Variants in SMPD1 observed in about 807,000 individuals in gnomAD.
SMPD1 encodes the protein sphingomyelin phosphodiesterase 1, also known as sphingomyelin phosphodiesterase.
SMPD1 carries 47 observed loss-of-function variants against 49.7 expected under a neutral mutation model. The ratio of observed to expected loss-of-function variants is 0.95; its 90% confidence interval spans 0.75 to 1.21. The LOEUF (loss-of-function observed/expected upper bound fraction) is 1.21. SMPD1 is among the 50% of genes most tolerant of loss of function. The pLI is 0.00. For synonymous variants in SMPD1, 336 were observed against 339.6 expected, an observed-to-expected ratio of 0.99 and a Z score of 0.12; for missense variants, 811 against 822.2, an observed-to-expected ratio of 0.99 and a Z score of 0.17.
Position 6,390,704 on chromosome 11 carries a change from GT to G in SMPD1, c.107del (p.Val36GlyfsTer41). ...GAPGLLWMGLVLALALALALA... is the reference protein window; with the variant it reads ...GAPGLLWMGLXLALALALALA... ...CCCCGGACTCCTTTGGATGGGCCTG[GT>G]GCTGGCGCTGGCGCTGGCGCTGGCG... On this transcript the variant is annotated frameshift_variant, in exon 1 of 6. Transcript: ENST00000342245. LOFTEE classifies it high-confidence loss of function. 7.9e-7 allele frequency: 1 copy of G among 1,267,608 alleles called. No individual in the cohort carries two copies. Among genetic ancestry groups the G allele is most frequent in the Non-Finnish European group, 1.1e-6 (1 of 932,528 alleles). 78.5% of individuals were successfully genotyped at this position (1,267,608 alleles called of 1,614,324 possible). A position where few individuals can be genotyped will look rare whatever the true frequency, so the allele number is the denominator to read the frequency against.
chr11:6,394,099 G>A (rs2134022201), intron 5 of SMPD1, 58 bp downstream of exon 5: 1 of 1,613,788 alleles, frequency 6.2e-7, no homozygotes, highest in Non-Finnish European at 8.5e-7. Context: ...AGGGGAAGGA[G>A]GTTGGAGCCA....
chr11:6,391,542 T>A lies in SMPD1; in HGVS notation c.477T>A (p.Cys159Ter). 6.2e-7 allele frequency: 1 copy of A among 1,613,994 alleles called. No individual in the cohort carries two copies. The highest frequency in any genetic ancestry group is 8.5e-7 in the Non-Finnish European group (1 of 1,179,978). Residue 159 changes from cysteine to a stop codon, truncating the protein, a stop_gained, in exon 2 of 6, where the codon TGT (cysteine) becomes TGA (stop). Coordinates refer to ENST00000342245, the MANE Select transcript of SMPD1 (RefSeq NM_000543.5). LOFTEE classifies it high-confidence loss of function. ...RRSVLSPSEA[C>*]GLLLGSTCGH... ...CAGTGCTGAGCCCATCTGAGGCCTGTGGCCTGCTCCTGGGCTCCACCTGTG... is the reference window on the plus strand; with the variant it reads ...CAGTGCTGAGCCCATCTGAGGCCTGAGGCCTGCTCCTGGGCTCCACCTGTG...
At position 6,394,598 on chromosome 11, in the gene SMPD1, G is replaced by C. The variant is rs1473293317; in HGVS notation, c.1887G>C (p.Leu629=). 2.5e-6 allele frequency: 4 copies of C among 1,601,932 alleles called. No homozygotes were observed. The African/African-American group carries it at 5.3e-5, about 21-fold the overall frequency. Residue 629 remains leucine, a synonymous_variant, in exon 6 of 6, where the codon CTG becomes CTC. Coordinates refer to ENST00000342245, the MANE Select transcript of SMPD1 (RefSeq NM_000543.5). ...CCCAGAGCCTGTGGCCAAGGCCACT[G>C]TTTTGCTAGGGCCCCAGGGCCCACA... ...PEAQSLWPRP[L]FC
chr11:6,391,208 G>C (rs1847892699), intron 1 of SMPD1, among the ~76,000 whole-genome samples, 176 bp from the exon 2 acceptor site: 1 of 152,248 alleles, frequency 6.6e-6, no homozygotes, highest in South Asian at 2.1e-4. Flanking sequence ...GCGATGGCCT[G>C]GTGCTGCCTG....
chr11:6,394,561 G>A lies in SMPD1; in HGVS notation c.1850G>A (p.Ser617Asn). 6.2e-7 allele frequency: 1 copy of A among 1,606,964 alleles called. No homozygotes were observed. Among genetic ancestry groups the A allele is most frequent in the Non-Finnish European group, 8.5e-7 (1 of 1,179,972 alleles). The stretch of plus-strand genomic sequence containing the variant: ...TGCCGCCACCTGATGCCAGATGGGA[G>A]CCTCCCAGAGGCCCAGAGCCTGTGG... ...ALCRHLMPDG[S>N]LPEAQSLWPR... Residue 617 changes from serine to asparagine, a missense_variant, in exon 6 of 6, where the codon AGC (serine) becomes AAC (asparagine). Ser to Asn is a conservative substitution (Grantham distance 46). Coordinates refer to ENST00000342245, the MANE Select transcript of SMPD1 (RefSeq NM_000543.5).
chr11:6,391,918 G>T lies in SMPD1; in HGVS notation c.853G>T (p.Asp285Tyr). The T allele has an allele frequency of 1.2e-6, 2 of 1,614,244 alleles. No homozygotes were observed. The highest frequency in any genetic ancestry group is 1.7e-6 in the Non-Finnish European group (2 of 1,180,052). The change falls in exon 2 of 6, where the codon GAT (aspartate) becomes TAT (tyrosine). Residue 285 changes from aspartate (D) to tyrosine (Y), a missense_variant. Asp to Tyr is a radical substitution (Grantham distance 160, BLOSUM62 -3). Transcript: ENST00000342245. ...VYWTGDIPAH[D>Y]VWHQTRQDQL... The stretch of plus-strand genomic sequence containing the variant: ...CTGGACAGGAGACATCCCCGCACAT[G>T]ATGTCTGGCACCAGACTCGTCAGGA...
Position 6,391,010 on chromosome 11 carries a change from C to A in SMPD1, c.318+94C>A, listed in dbSNP as rs1847886123. 4 of 1,479,434 alleles carry A rather than the reference C, an allele frequency of 2.7e-6. No homozygotes were observed. The East Asian group carries it at 7.1e-5, about 26-fold the overall frequency. 91.6% of individuals were successfully genotyped at this position (1,479,434 alleles called of 1,614,324 possible). ...CTGGTGCGCTGGGCTCAGAATGCATCCCTGATGGAGAGGGTGGCATCTACA... is the reference window on the plus strand; with the variant it reads ...CTGGTGCGCTGGGCTCAGAATGCATACCTGATGGAGAGGGTGGCATCTACA... On this transcript the variant is annotated intron_variant, in intron 1 of 5. Coordinates refer to ENST00000342245, the MANE Select transcript of SMPD1 (RefSeq NM_000543.5).
intron 2 of SMPD1, 60 bp from the exon 3 acceptor site, chr11:6,393,156 C>G (rs1409372830): frequency 2.8e-5 from 42 of 1,481,418 alleles, no homozygotes; most frequent in Non-Finnish European, 3.7e-5. Context: ...ACCCAAATGC[C>G]CAGCACAGGA....
rs779430680 is a variant in SMPD1 at position 6,390,911 on chromosome 11, C to A, written c.313C>A (p.Leu105Met). ...TCTATTCACCGCCATCAACCTCGGG[C>A]TGAAGGTGAGCACTGAAGGGGCTGC... The part of the protein sequence containing the change: ...KGLFTAINLG[L>M]KKEPNVARVG... Residue 105 changes from leucine to methionine, a missense_variant, in exon 1 of 6, where the codon CTG becomes ATG. Leu to Met is a conservative substitution (Grantham distance 15, BLOSUM62 2). Coordinates refer to ENST00000342245, the MANE Select transcript of SMPD1 (RefSeq NM_000543.5). 1.9e-6 allele frequency: 3 copies of A among 1,614,084 alleles called. No individual in the cohort carries two copies. The highest frequency in any genetic ancestry group is 1.1e-5 in the South Asian group (1 of 91,068).
At chr11:6,392,332 T>C in intron 2 of SMPD1, 176 bp downstream of exon 2, 1 of 371,224 alleles carries the variant, frequency 2.7e-6, no homozygotes, top group Non-Finnish European at 4.8e-6. Context: ...CACCAGGCTT[T>C]TTTTTTTTTT....
rs543145636 is a variant in SMPD1, at chr11:6,391,401, T to C, written c.336T>C (p.Ala112=). The C allele has an allele frequency of 2.3e-5, 37 of 1,612,714 alleles. 1 individual carries two copies. The African/African-American group carries it at 4.0e-4, about 17-fold the overall frequency. ...NLGLKKEPNV[A]RVGSVAIKLC... is the part of the protein sequence containing the mutation. ...CACTGCAGAAGGAACCCAATGTGGC[T>C]CGCGTGGGCTCCGTGGCCATCAAGC... Residue 112 remains alanine, a synonymous_variant, in exon 2 of 6, where the codon GCT becomes GCC. Coordinates refer to ENST00000342245, the MANE Select transcript of SMPD1 (RefSeq NM_000543.5).
chr11:6,394,237 G>C lies in SMPD1; in HGVS notation c.1526G>C (p.Ser509Thr), dbSNP rs764772735. 6.2e-7 allele frequency: 1 copy of C among 1,614,142 alleles called. No homozygotes were observed. Among genetic ancestry groups the C allele is most frequent in the Non-Finnish European group, 8.5e-7 (1 of 1,180,008 alleles). Residue 509 changes from serine (S) to threonine (T), a missense_variant, in exon 6 of 6, where the codon AGC becomes ACC. Physicochemically the swap from Ser to Thr is moderately conservative, Grantham distance 58. Transcript: ENST00000342245. Reference sequence around the variant, plus strand: ...CAAATAGATGGAAACTACTCCGGGAGCTCTCACGTGGTCCTGGACCATGAG... The same window carrying C: ...CAAATAGATGGAAACTACTCCGGGACCTCTCACGTGGTCCTGGACCATGAG... ...VYQIDGNYSG[S>T]SHVVLDHETY...
At chr11:6,392,741 C>A (rs1250783394) in intron 2 of SMPD1, among the ~76,000 whole-genome samples, 1 of 151,894 alleles carries the variant, frequency 6.6e-6, no homozygotes, top group Non-Finnish European at 1.5e-5. Context: ...GATCTGCCCA[C>A]CTCGGCCTCC....
intron 5 of SMPD1, 24 bp downstream of exon 5, chr11:6,394,065 C>T: frequency 6.2e-7 from 1 of 1,614,146 alleles, no homozygotes; most frequent in Non-Finnish European, 8.5e-7. Flanking sequence ...AAGGGAGCCT[C>T]CCTTATCCTG....
intron 1 of SMPD1, 37 bp downstream of exon 1, chr11:6,390,953 A>G (rs1847882892): frequency 1.9e-6 from 3 of 1,611,336 alleles, no homozygotes; most frequent in Admixed American, 1.7e-5. Context: ...GGAGGCCGAA[A>G]GGAGTGCTGG....
In SMPD1 at chr11:6,390,874, A is replaced by G. The variant is rs2134006684; in HGVS notation, c.276A>G (p.Pro92=). Residue 92 remains proline (P), a synonymous_variant, in exon 1 of 6, where the codon CCA becomes CCG. Transcript: ENST00000342245. The part of the protein sequence containing the change: ...DVFGWGNLTC[P]ICKGLFTAIN... ...TTGGGTGGGGGAACCTCACCTGCCC[A>G]ATCTGCAAAGGTCTATTCACCGCCA... 1 of 1,614,124 alleles carries G rather than the reference A, an allele frequency of 6.2e-7. No homozygotes were observed. The highest frequency in any genetic ancestry group is 8.5e-7 in the Non-Finnish European group (1 of 1,180,024).
Position 6,394,034 on chromosome 11 carries a change from T to C in SMPD1, c.1479T>C (p.Leu493=), listed in dbSNP as rs776805089. ...LAPSATTYIG[L]NPGYRVYQID... is the part of the protein sequence containing the mutation. ...CCAGTGCAACTACCTACATCGGCCT[T>C]AATCCTGGTGAGTGAGGCAGAAGGG... Residue 493 remains leucine (L), a synonymous_variant, in exon 5 of 6, where the codon CTT becomes CTC. Coordinates refer to ENST00000342245, the MANE Select transcript of SMPD1 (RefSeq NM_000543.5). The C allele has an allele frequency of 6.2e-7, 1 of 1,614,210 alleles. No homozygotes were observed. Among genetic ancestry groups the C allele is most frequent in the East Asian group, 2.2e-5 (1 of 44,878 alleles).
intron 2 of SMPD1, among the ~76,000 whole-genome samples, chr11:6,392,617 C>A (rs1024251840): frequency 2.7e-5 from 4 of 149,630 alleles, no homozygotes; most frequent in Non-Finnish European, 5.9e-5. Context: ...GCCTCAGCCT[C>A]CCAAGTACCT....
Position 6,394,628 on chromosome 11 carries a change from G to A in SMPD1, c.*21G>A, listed in dbSNP as rs751858669. ...GCTAGGGCCCCAGGGCCCACATTTG[G>A]GAAAGTTCTTGATGTAGGAAAGGGT... On this transcript the variant is annotated 3_prime_UTR_variant, in exon 6 of 6. Coordinates refer to ENST00000342245, the MANE Select transcript of SMPD1 (RefSeq NM_000543.5). The A allele has an allele frequency of 6.3e-7, 1 of 1,594,208 alleles. No individual in the cohort carries two copies. Among genetic ancestry groups the A allele is most frequent in the Admixed American group, 1.7e-5 (1 of 59,894 alleles).
Sources: allele counts gnomAD v4.1 joint callset (sites outside exome capture counted in the v4.1 genomes callset), GRCh38; gene constraint gnomAD v4.1.1; transcripts MANE v1.5; gene names NCBI Gene and HGNC (gene_info 2026-07-23, HGNC 2026-07-21).